Variants in RITA1 observed in about 807,000 individuals in gnomAD.
RITA1 encodes RBPJ interacting and tubulin associated 1.
Under a neutral mutation model 8.7 loss-of-function variants are expected in RITA1, and 15 were observed. That is an observed-to-expected ratio of 1.72 (90% confidence interval 1.15 to 2.65). The LOEUF (loss-of-function observed/expected upper bound fraction) is 2.65, where lower values mean the gene tolerates loss of function less well. Ranked by LOEUF, RITA1 falls within the 30% of genes most tolerant of loss-of-function variation. The probability of loss-of-function intolerance (pLI) is 0.00; values close to 1 mark genes in which losing one functional copy is unlikely to be tolerated. For synonymous variants in RITA1, 145 were observed against 156.2 expected (o/e 0.93, Z 0.53); for missense variants, 330 against 363.8 (o/e 0.91, Z 0.76).
intron 3 of RITA1, among the ~76,000 whole-genome samples, chr12:113,187,537 C>A (rs1026025925): frequency 2.0e-5 from 3 of 151,976 alleles, no homozygotes; most frequent in Non-Finnish European, 4.4e-5. Flanking sequence ...GAGGTGGGAT[C>A]ACTTGAGCTC....
At position 113,191,699 on chromosome 12, in the gene RITA1, CA is replaced by C. The variant is rs1292505514; in HGVS notation, c.693del (p.Val233Ter). ...NGPQDLRPST[S>X]GVTFRSPLVT... is the part of the protein sequence containing the mutation. ...CCTCAGGATCTCAGGCCTTCCACGT[CA>C]GGGGTGACCTTCCGGAGCCCCCTGG... is the stretch of plus-strand genomic sequence containing the variant. On this transcript the variant is annotated frameshift_variant, in exon 4 of 4. Transcript: ENST00000548278. LOFTEE classifies it low-confidence loss of function (END_TRUNC). This position sits in a 1 kb window ranked among gnomAD's most constrained non-coding sequence, Gnocchi z 4.0. The C allele has an allele frequency of 6.8e-6, 11 of 1,614,012 alleles. 1 individual carries two copies. The highest frequency in any genetic ancestry group is 7.6e-6 in the Non-Finnish European group (9 of 1,180,032).
At position 113,187,007 on chromosome 12, in the gene RITA1, C is replaced by T; in HGVS notation, c.261C>T (p.Gly87=). The T allele has an allele frequency of 6.2e-7, 1 of 1,608,986 alleles. No individual in the cohort carries two copies. The highest frequency in any genetic ancestry group is 1.1e-5 in the South Asian group (1 of 90,286). ...GCTGTGAGACCACCCCCTCAAGGGG[C>T]AGCACCCCCACCCTCACACCAAGGA... ...KGSCETTPSR[G]STPTLTPRKK... The change falls in exon 3 of 4, where the codon GGC becomes GGT. Residue 87 remains glycine, a synonymous_variant. Transcript: ENST00000548278.
At chr12:113,186,650 G>T (rs559847045) in intron 2 of RITA1, 33 bp from the exon 3 acceptor site, 2 of 1,525,872 alleles carry the variant, frequency 1.3e-6, no homozygotes, top group Admixed American at 2.0e-5. Flanking sequence ...CACTTCTGTG[G>T]CTCAGGGGTG....
At chr12:113,189,613 C>T (rs1952577139) in intron 3 of RITA1, among the ~76,000 whole-genome samples, 1 of 151,758 alleles carries the variant, frequency 6.6e-6, no homozygotes, top group African/African-American at 2.4e-5. Context: ...GCAGCTAAAC[C>T]AAGTGGCAAA....
At chr12:113,187,156 C>G in intron 3 of RITA1, 108 bp downstream of exon 3, 1 of 1,195,984 alleles carries the variant, frequency 8.4e-7, no homozygotes, top group South Asian at 1.6e-5. Context: ...ATCTTGACCT[C>G]TCTGAGCCAG....
At chr12:113,190,707 A>G (rs1219556233) in intron 3 of RITA1, among the ~76,000 whole-genome samples, 1 of 152,238 alleles carries the variant, frequency 6.6e-6, no homozygotes, top group East Asian at 1.9e-4. Flanking sequence ...GTGACTCTCA[A>G]TTGCAAGTGA....
chr12:113,186,624 G>A (rs1008074836), intron 2 of RITA1, 59 bp from the exon 3 acceptor site: 25 of 1,474,406 alleles, frequency 1.7e-5, no homozygotes, highest in East Asian at 2.5e-5. Context: ...AGACACTACC[G>A]GTCTTCCTCC....
intron 3 of RITA1, among the ~76,000 whole-genome samples, chr12:113,190,333 GA>G (rs36027214): frequency 6.7e-6 from 1 of 149,178 alleles, no homozygotes; most frequent in African/African-American, 2.5e-5. Flanking sequence ...CTCTGTCTCA[GA>G]AAAAAAAAGA....
At position 113,185,867 on chromosome 12, in the gene RITA1, G is replaced by C; in HGVS notation, c.-351G>C. On this transcript the variant is annotated 5_prime_UTR_variant, in exon 1 of 4. Transcript: ENST00000548278. ...CCCCGGGACGGCCTAGGCTGCCGGG[G>C]GTCCGGGGCCCCAGGCATTCCGGGC... The C allele has an allele frequency of 8.6e-7, 1 of 1,160,830 alleles. No homozygotes were observed. Among genetic ancestry groups the C allele is most frequent in the Non-Finnish European group, 1.2e-6 (1 of 835,930 alleles). 71.9% of individuals were successfully genotyped at this position (1,160,830 alleles called of 1,614,324 possible).
chr12:113,186,653 C>A (rs1240553467), intron 2 of RITA1, 30 bp from the exon 3 acceptor site: 1 of 1,532,238 alleles, frequency 6.5e-7, no homozygotes, highest in Non-Finnish European at 8.8e-7. Context: ...TTCTGTGGCT[C>A]AGGGGTGCTA....
At chr12:113,188,851 C>T (rs1357862683) in intron 3 of RITA1, among the ~76,000 whole-genome samples, 1 of 125,716 alleles carries the variant, frequency 8.0e-6, no homozygotes, top group Non-Finnish European at 1.6e-5. Flanking sequence ...GGCTCTGTCG[C>T]CCAGGCTGGA....
intron 3 of RITA1, among the ~76,000 whole-genome samples, chr12:113,189,314 C>G (rs150579885): frequency 2.6e-5 from 4 of 151,974 alleles, no homozygotes; most frequent in African/African-American, 9.7e-5. Flanking sequence ...ATTATAAAAA[C>G]AAGAATCAGT....
At chr12:113,187,897 A>C (rs1315004694) in intron 3 of RITA1, among the ~76,000 whole-genome samples, 2 of 152,232 alleles carry the variant, frequency 1.3e-5, no homozygotes, top group Non-Finnish European at 1.5e-5. Flanking sequence ...TTTCAGATTA[A>C]TATCAGCCTG....
Position 113,191,336 on chromosome 12 carries a change from G to A in RITA1, c.329G>A (p.Cys110Tyr), listed in dbSNP as rs1220938430. 1 of 1,558,330 alleles carries A rather than the reference G, an allele frequency of 6.4e-7. No individual in the cohort carries two copies. Among genetic ancestry groups the A allele is most frequent in the African/African-American group, 1.4e-5 (1 of 73,434 alleles). The change falls in exon 4 of 4, where the codon TGT (cysteine) becomes TAT (tyrosine). Residue 110 changes from cysteine (C) to tyrosine (Y), a missense_variant. Coordinates refer to ENST00000548278, the MANE Select transcript of RITA1 (RefSeq NM_032848.3). The surrounding 1 kb of genome is among the most constrained non-coding windows in gnomAD (Gnocchi z 4.0). The part of the protein sequence containing the change: ...YRPISHTPSY[C>Y]DESLFGSRSE... ...CCCATCAGCCACACCCCGTCTTACT[G>A]TGATGAGTCGCTGTTTGGCTCCCGA...
At chr12:113,190,250 T>C (rs1297891765) in intron 3 of RITA1, among the ~76,000 whole-genome samples, 1 of 148,148 alleles carries the variant, frequency 6.8e-6, no homozygotes, top group Non-Finnish European at 1.5e-5. Context: ...GAGAATCGCT[T>C]GAACCCAGGA....
Position 113,192,077 on chromosome 12 carries a change from G to A in RITA1, c.*260G>A. The stretch of plus-strand genomic sequence containing the variant: ...CCTGTCTCAACCATACTCCAAATTA[G>A]TGCCAACCCAGGGGCCTGGCACCTC... On this transcript the variant is annotated 3_prime_UTR_variant, in exon 4 of 4. Coordinates refer to ENST00000548278, the MANE Select transcript of RITA1 (RefSeq NM_032848.3). 2.2e-6 allele frequency: 1 copy of A among 446,512 alleles called. No individual in the cohort carries two copies. The highest frequency in any genetic ancestry group is 3.9e-6 in the Non-Finnish European group (1 of 254,144). 27.7% of individuals were successfully genotyped at this position (446,512 alleles called of 1,614,324 possible).
At position 113,192,368 on chromosome 12, in the gene RITA1, A is replaced by G. The variant is rs148680697; in HGVS notation, c.*551A>G. 1.3e-5 allele frequency: 2 copies of G among 153,120 alleles called. No homozygotes were observed. The highest frequency in any genetic ancestry group is 2.1e-4 in the South Asian group (1 of 4,858). The allele number at this position is 153,120 out of a possible 1,614,324, so 9.5% of individuals were successfully genotyped here. A position where few individuals can be genotyped will look rare whatever the true frequency, so the allele number is the denominator to read the frequency against. On this transcript the variant is annotated 3_prime_UTR_variant, in exon 4 of 4. Coordinates refer to ENST00000548278, the MANE Select transcript of RITA1 (RefSeq NM_032848.3). ...CTAAATAGATCAGCTCATCAAAGCC[A>G]TGAATGTCACTTTTTTTCCCCCTCA... is the stretch of plus-strand genomic sequence containing the variant.
chr12:113,189,741 A>G (rs1448925948), intron 3 of RITA1, among the ~76,000 whole-genome samples: 1 of 151,132 alleles, frequency 6.6e-6, no homozygotes, highest in East Asian at 1.9e-4. Flanking sequence ...ATAAAAAAAA[A>G]AAAAAAAAAA....
Position 113,192,130 on chromosome 12 carries a change from G to C in RITA1, c.*313G>C. 1 of 313,618 alleles carries C rather than the reference G, an allele frequency of 3.2e-6. No individual in the cohort carries two copies. The highest frequency in any genetic ancestry group is 5.9e-6 in the Non-Finnish European group (1 of 169,962). 19.4% of individuals were successfully genotyped at this position (313,618 alleles called of 1,614,324 possible). On this transcript the variant is annotated 3_prime_UTR_variant, in exon 4 of 4. Transcript: ENST00000548278. ...ACATCATCCATTGTCTTGCTGCCAA[G>C]TGCGAATAAACGGCGTGATTGCCAA...
Sources: allele counts gnomAD v4.1 joint callset (sites outside exome capture counted in the v4.1 genomes callset), GRCh38; gene constraint gnomAD v4.1.1; non-coding constraint Gnocchi (gnomAD v3.1); transcripts MANE v1.5; gene names NCBI Gene and HGNC (gene_info 2026-07-23, HGNC 2026-07-21).